LIPC: variants seen among roughly 807,000 people sequenced by gnomAD.
LIPC encodes lipase C, hepatic type.
A neutral mutation model predicts 50.7 loss-of-function variants in LIPC; 44 were observed. The ratio of observed to expected loss-of-function variants is 0.87; its 90% CI spans 0.68 to 1.11. LIPC has a LOEUF of 1.11. LIPC is among the 50% of genes most tolerant of loss of function. LIPC has a pLI of 0.00. For missense variants in LIPC, 697 were observed against 648.2 expected (o/e 1.08, Z -0.82); for synonymous variants, 271 against 256.4 (o/e 1.06, Z -0.54).
At chr15:58,564,665 T>C (rs1386548600) in intron 8 of LIPC, among the ~76,000 whole-genome samples, 1 of 152,062 alleles carries the variant, frequency 6.6e-6, no homozygotes, top group Non-Finnish European at 1.5e-5. Context: ...AGGTGGAGGT[T>C]GCAGTTAGCC....
intron 4 of LIPC, among the ~76,000 whole-genome samples, chr15:58,544,552 C>T (rs1275438161): frequency 6.6e-6 from 1 of 151,948 alleles, no homozygotes; most frequent in African/African-American, 2.4e-5. Flanking sequence ...TCCACCACCA[C>T]GCCCGGCTAA....
intron 1 of LIPC, among the ~76,000 whole-genome samples, chr15:58,489,994 A>T (rs1372860084): frequency 6.7e-6 from 1 of 149,742 alleles, no homozygotes; most frequent in Non-Finnish European, 1.5e-5. Context: ...ACCTGCTAAT[A>T]CTGTGGGGAA....
chr15:58,557,000 T>C (rs1268298468), intron 6 of LIPC, among the ~76,000 whole-genome samples: 1 of 152,236 alleles, frequency 6.6e-6, no homozygotes, highest in Non-Finnish European at 1.5e-5. Context: ...TAGCCATCCC[T>C]CTATTACTGA....
intron 4 of LIPC, among the ~76,000 whole-genome samples, chr15:58,544,976 C>T (rs1171146502): frequency 2.0e-5 from 3 of 152,238 alleles, no homozygotes; most frequent in Non-Finnish European, 4.4e-5. Flanking sequence ...TTGCACACAA[C>T]ATTTTCACAT....
chr15:58,501,364 T>TTA (rs1891979181), intron 1 of LIPC, among the ~76,000 whole-genome samples: 2 of 147,130 alleles, frequency 1.4e-5, no homozygotes, highest in East Asian at 2.0e-4. Flanking sequence ...TTTTTTTTTT[T>TTA]AATGCCTGAA....
intron 7 of LIPC, 98 bp from the exon 8 acceptor site, chr15:58,563,407 A>C (rs1894235481): frequency 1.9e-6 from 2 of 1,028,572 alleles, no homozygotes; most frequent in Non-Finnish European, 3.0e-6. Flanking sequence ...AAAAATCCCA[A>C]GTCATTCAGG....
intron 1 of LIPC, among the ~76,000 whole-genome samples, chr15:58,536,613 G>T (rs1170409051): frequency 6.6e-6 from 1 of 152,234 alleles, no homozygotes; most frequent in East Asian, 1.9e-4. Context: ...TAGACAGGAG[G>T]GCAGCCAGTG....
chr15:58,460,630 TCACTCAGC>T (rs1373061499), intron 1 of LIPC, among the ~76,000 whole-genome samples: 1 of 152,214 alleles, frequency 6.6e-6, no homozygotes, highest in African/African-American at 2.4e-5. Flanking sequence ...TTGTTCAAGG[TCACTCAGC>T]CAGTAAGGGC....
intron 1 of LIPC, among the ~76,000 whole-genome samples, chr15:58,465,938 G>T (rs1327834592): frequency 6.6e-6 from 1 of 152,132 alleles, no homozygotes. Flanking sequence ...TAGATCTTTT[G>T]GTAGAGATCT....
At chr15:58,534,787 T>G (rs1893061098) in intron 1 of LIPC, among the ~76,000 whole-genome samples, 1 of 152,204 alleles carries the variant, frequency 6.6e-6, no homozygotes, top group South Asian at 2.1e-4. Flanking sequence ...GATCACATAG[T>G]GTACATTTTT....
At chr15:58,443,966 C>G (rs1197761337) in intron 1 of LIPC, among the ~76,000 whole-genome samples, 1 of 152,162 alleles carries the variant, frequency 6.6e-6, no homozygotes, top group East Asian at 1.9e-4. Flanking sequence ...GGGGCAGAAA[C>G]AAATCACAAT....
At chr15:58,463,591 C>T (rs1426003041) in intron 1 of LIPC, among the ~76,000 whole-genome samples, 2 of 152,200 alleles carry the variant, frequency 1.3e-5, no homozygotes, top group Non-Finnish European at 2.9e-5. Flanking sequence ...TCACCCATGC[C>T]CCTCCTCTAA....
intron 1 of LIPC, among the ~76,000 whole-genome samples, chr15:58,450,532 T>G (rs11858164): frequency 0.39 from 59,967 of 152,104 alleles, 14,863 homozygotes; most frequent in Middle Eastern, 0.56. Flanking sequence ...TAAGTTTCAG[T>G]GAACAATGTG....
chr15:58,469,565 GCAGGGAAGCTGAGAAGC>G, intron 1 of LIPC, among the ~76,000 whole-genome samples: 1 of 152,326 alleles, frequency 6.6e-6, no homozygotes, highest in African/African-American at 2.4e-5. Flanking sequence ...CCTGGCTCAG[GCAGGGAAGCTGAGAAGC>G]TTGGGGCTGC....
chr15:58,540,962 G>C (rs1359638479), intron 2 of LIPC, among the ~76,000 whole-genome samples: 1 of 151,866 alleles, frequency 6.6e-6, no homozygotes, highest in Admixed American at 6.6e-5. Flanking sequence ...CATCACACCT[G>C]GCTAACTTTT....
chr15:58,565,516 G>C, intron 8 of LIPC: 3 of 1,353,474 alleles, frequency 2.2e-6, no homozygotes, highest in Non-Finnish European at 2.9e-6. Flanking sequence ...CCATGGCATT[G>C]GTCTCACGTG....
Position 58,568,804 on chromosome 15 carries a change from A to G in LIPC, c.1477A>G (p.Thr493Ala). Residue 493 changes from threonine (T) to alanine (A), a missense_variant, in exon 9 of 9, where the codon ACA becomes GCA. Thr to Ala is a moderately conservative substitution (Grantham distance 58). Coordinates refer to ENST00000299022, the MANE Select transcript of LIPC (RefSeq NM_000236.3). ...CGTGAAATGTGAAATAAAGTCTAAA[A>G]CATCAAAGCGAAAGATCAGATGAGA... Reference protein sequence around the residue: ...IFVKCEIKSKTSKRKIR With the variant: ...IFVKCEIKSKASKRKIR 1 of 1,602,856 alleles carries G rather than the reference A, an allele frequency of 6.2e-7. No individual in the cohort carries two copies. The highest frequency in any genetic ancestry group is 2.2e-5 in the East Asian group (1 of 44,650).
At chr15:58,459,079 G>A (rs1225445031) in intron 1 of LIPC, among the ~76,000 whole-genome samples, 1 of 152,190 alleles carries the variant, frequency 6.6e-6, no homozygotes, top group African/African-American at 2.4e-5. Flanking sequence ...AGGGAGAGAT[G>A]GTAGTCATGC....
At chr15:58,515,641 G>A (rs1269530071) in intron 1 of LIPC, among the ~76,000 whole-genome samples, 1 of 152,006 alleles carries the variant, frequency 6.6e-6, no homozygotes, top group African/African-American at 2.4e-5. Context: ...TAAAGGGGCA[G>A]AGGAGTAATA....
Sources: allele counts gnomAD v4.1 joint callset (sites outside exome capture counted in the v4.1 genomes callset), GRCh38; gene constraint gnomAD v4.1.1; transcripts MANE v1.5; gene names NCBI Gene and HGNC (gene_info 2026-07-23, HGNC 2026-07-21).